The following FRMD4A variants were observed in gnomAD, a reference collection of about 807,000 sequenced individuals.
The protein encoded by FRMD4A is FERM domain-containing protein 4A.
Under a neutral mutation model 129.1 loss-of-function variants are expected in FRMD4A, and 29 were observed. The ratio of observed to expected loss-of-function variants is 0.22; its 90% CI spans 0.17 to 0.31. The LOEUF (loss-of-function observed/expected upper bound fraction) is 0.31. FRMD4A is among the 10% of genes least tolerant of loss of function. FRMD4A has a pLI of 1.00. For synonymous variants in FRMD4A, 634 were observed against 571.6 expected, an observed-to-expected ratio of 1.11 and a Z score of -1.56; for missense variants, 1,272 against 1,375.8, an observed-to-expected ratio of 0.92 and a Z score of 1.19.
At chr10:13,882,061 G>A (rs2797856) in intron 2 of FRMD4A, among the ~76,000 whole-genome samples, 145,394 of 150,112 alleles carry the variant, frequency 0.97, 70,539 homozygotes, top group Middle Eastern at 1. Context: ...AAGAAAAGAA[G>A]TTTAAGAAAT....
intron 2 of FRMD4A, among the ~76,000 whole-genome samples, chr10:13,946,336 G>C (rs2095331367): frequency 1.3e-5 from 2 of 152,312 alleles, no homozygotes; most frequent in South Asian, 4.2e-4. Context: ...CAGAATCCCT[G>C]TCCCTACCTC....
intron 2 of FRMD4A, among the ~76,000 whole-genome samples, chr10:13,952,734 A>C (rs1257646140): frequency 2.0e-5 from 3 of 152,096 alleles, no homozygotes; most frequent in South Asian, 4.1e-4. Context: ...CACTCTGTCA[A>C]CCAGGCTGGA....
intron 2 of FRMD4A, among the ~76,000 whole-genome samples, chr10:14,185,829 C>T (rs762649978): frequency 1.3e-5 from 2 of 152,068 alleles, no homozygotes; most frequent in Admixed American, 6.5e-5. Context: ...GGGCAGGGCC[C>T]AGTGGAGACA....
rs546100079 is a variant in FRMD4A at position 13,917,605 on chromosome 10, A to G, written c.46-58693T>C. On this transcript the variant is annotated intron_variant, in intron 2 of 24. Coordinates refer to ENST00000357447, the MANE Select transcript of FRMD4A (RefSeq NM_018027.5). ...ATGCCCGGCCCACAGATTTTATTTA[A>G]TAATATACACACACTGTACTTTCAT... 1.2e-3 allele frequency among the ~76,000 whole-genome samples: 179 copies of G among 152,180 alleles called. 2 individuals carry two copies. The highest frequency in any genetic ancestry group is 4.2e-3 in the African/African-American group (174 of 41,526).
chr10:13,658,000 G>A (rs2082319366), intron 21 of FRMD4A, among the ~76,000 whole-genome samples: 1 of 150,684 alleles, frequency 6.6e-6, no homozygotes, highest in African/African-American at 2.5e-5. Flanking sequence ...AAAATTAGCT[G>A]GGTGTAGTGT....
intron 3 of FRMD4A, among the ~76,000 whole-genome samples, chr10:13,840,573 G>A (rs1230417775): frequency 1.9e-5 from 2 of 107,614 alleles, no homozygotes; most frequent in Non-Finnish European, 4.1e-5. Flanking sequence ...TGGATCACTT[G>A]AGGTCAGGAG....
At chr10:14,195,998 G>T (rs888086117) in intron 2 of FRMD4A, among the ~76,000 whole-genome samples, 7 of 152,202 alleles carry the variant, frequency 4.6e-5, no homozygotes, top group African/African-American at 9.7e-5. Context: ...TTTTGAGAAA[G>T]ATCAGTGGAG....
rs776137179 is a variant in FRMD4A at position 13,701,450 on chromosome 10, G to A, written c.865C>T (p.His289Tyr). ...RASVTRRTFG[H>Y]SGIAVHTWYA... ...CACGTGTGCACTGCAATGCCGCTGT[G>A]CCCAAACGTCCTCCTTGTCACTGAA... Residue 289 changes from histidine to tyrosine, a missense_variant, in exon 14 of 25, where the codon CAC becomes TAC. By Grantham distance (83) the His-to-Tyr change is moderately conservative. Coordinates refer to ENST00000357447, the MANE Select transcript of FRMD4A (RefSeq NM_018027.5). The A allele has an allele frequency of 1.2e-6, 2 of 1,613,918 alleles. No homozygotes were observed. Among genetic ancestry groups the A allele is most frequent in the South Asian group, 2.2e-5 (2 of 91,074 alleles).
At chr10:14,177,196 T>C (rs1217719026) in intron 2 of FRMD4A, among the ~76,000 whole-genome samples, 1 of 152,092 alleles carries the variant, frequency 6.6e-6, no homozygotes, top group Admixed American at 6.6e-5. Context: ...TTTTTGTTTG[T>C]TTTTGTTTTT....
chr10:13,669,772 T>A (rs2083366843), intron 17 of FRMD4A, among the ~76,000 whole-genome samples: 1 of 152,152 alleles, frequency 6.6e-6, no homozygotes, highest in African/African-American at 2.4e-5. Context: ...CAAGTCTTGG[T>A]TTTGTTTGTT....
intron 9 of FRMD4A, among the ~76,000 whole-genome samples, chr10:13,746,631 G>T (rs1231521656): frequency 6.6e-6 from 1 of 152,178 alleles, no homozygotes; most frequent in Non-Finnish European, 1.5e-5. Context: ...TTCAGAAGTT[G>T]TCATCAAAAG....
intron 2 of FRMD4A, among the ~76,000 whole-genome samples, chr10:14,139,764 T>C (rs1376081989): frequency 6.6e-6 from 1 of 152,166 alleles, no homozygotes; most frequent in East Asian, 1.9e-4. Flanking sequence ...ATGTTTCCTA[T>C]AAGACATATT....
At chr10:14,054,765 C>T (rs1050814975) in intron 2 of FRMD4A, among the ~76,000 whole-genome samples, 2 of 152,102 alleles carry the variant, frequency 1.3e-5, no homozygotes, top group Non-Finnish European at 2.9e-5. Flanking sequence ...GGAGGGACCT[C>T]GTGGGAGGTA....
intron 2 of FRMD4A, among the ~76,000 whole-genome samples, chr10:14,104,465 G>A (rs954519120): frequency 8.5e-5 from 13 of 152,152 alleles, no homozygotes; most frequent in Non-Finnish European, 1.9e-4. Context: ...TTCTCTAAGC[G>A]GGTTTCCTTT....
At chr10:13,791,365 C>T (rs151290265) in intron 5 of FRMD4A, among the ~76,000 whole-genome samples, 1 of 151,408 alleles carries the variant, frequency 6.6e-6, no homozygotes, top group Admixed American at 6.6e-5. Context: ...TGAACATTTT[C>T]CTGAACACAC....
rs570992663 is a variant in FRMD4A, at chr10:13,956,676, G to A, written c.46-97764C>T. On this transcript the variant is annotated intron_variant, in intron 2 of 24. Transcript: ENST00000357447. ...CTAGCAAAGGGAAAAGAAAATAATT[G>A]TGGATGTATGGCTGTGTATTTTTCT... Among the ~76,000 whole-genome samples the A allele has an allele frequency of 1.3e-3, 202 of 152,328 alleles. 2 individuals are homozygous for A. The highest frequency in any genetic ancestry group is 6.8e-3 in the Middle Eastern group (2 of 294).
intron 4 of FRMD4A, among the ~76,000 whole-genome samples, chr10:13,804,008 T>C (rs2093312514): frequency 6.6e-6 from 1 of 152,254 alleles, no homozygotes. Context: ...CCGTTCTTTT[T>C]GTTTATCTTA....
chr10:14,307,181 G>A (rs1846382568), intron 2 of FRMD4A, among the ~76,000 whole-genome samples: 1 of 152,160 alleles, frequency 6.6e-6, no homozygotes, highest in Non-Finnish European at 1.5e-5. Context: ...GCATTCATTT[G>A]TCACTAGAAG....
intron 2 of FRMD4A, among the ~76,000 whole-genome samples, chr10:14,096,071 G>T (rs1836942046): frequency 6.6e-6 from 1 of 152,214 alleles, no homozygotes; most frequent in Non-Finnish European, 1.5e-5. Context: ...TGATCAGGTT[G>T]TTCCCCTCCA....
Sources: gnomAD v4.1 joint callset for allele counts (sites outside exome capture counted in the v4.1 genomes callset) on GRCh38, gnomAD v4.1.1 for gene constraint, MANE v1.5 for transcripts, NCBI Gene and HGNC (gene_info 2026-07-23, HGNC 2026-07-21) for gene names.